PLA2G2A: variants seen among roughly 807,000 people sequenced by gnomAD.
PLA2G2A encodes the protein phospholipase A2, membrane associated.
Under a neutral mutation model 11.2 loss-of-function variants are expected in PLA2G2A, and 6 were observed. That is an observed-to-expected ratio of 0.54 (90% CI 0.29 to 1.06). The LOEUF (loss-of-function observed/expected upper bound fraction) is 1.06. Among genes scored for constraint, PLA2G2A ranks in the 50% least tolerant of loss-of-function variants. PLA2G2A has a pLI of 0.08. For missense variants in PLA2G2A, 133 were observed against 177.1 expected (o/e 0.75, Z 1.41); for synonymous variants, 69 against 65.8 (o/e 1.05, Z -0.23).
chr1:19,976,045 C>T (rs908471699), intron 4 of PLA2G2A, among the ~76,000 whole-genome samples: 1 of 152,194 alleles, frequency 6.6e-6, no homozygotes, highest in Admixed American at 6.5e-5. Flanking sequence ...GGTGGAGACA[C>T]AGCCAGGCAC....
At chr1:19,979,438 A>T in intron 1 of PLA2G2A, 142 bp downstream of exon 1, 1 of 157,772 alleles carries the variant, frequency 6.3e-6, no homozygotes, top group Non-Finnish European at 1.4e-5. Context: ...ACACTCACAT[A>T]CTCACTCAAC....
At chr1:19,979,001 A>ACAC in intron 1 of PLA2G2A, 122 bp from the exon 2 acceptor site, 6 of 525,368 alleles carry the variant, frequency 1.1e-5, no homozygotes, top group Non-Finnish European at 1.8e-5. Flanking sequence ...ACACACACAC[A>ACAC]ACCACCTCCT....
At chr1:19,978,972 T>TGCAC (rs1553167294) in intron 1 of PLA2G2A, 93 bp from the exon 2 acceptor site, 24 of 439,232 alleles carry the variant, frequency 5.5e-5, no homozygotes, top group East Asian at 2.8e-4. Flanking sequence ...CCTCCAGCAA[T>TGCAC]GCACACACAC....
In PLA2G2A at chr1:19,978,948, C is replaced by T. The variant is rs2046264445; in HGVS notation, c.-106-69G>A. Reference sequence around the variant, plus strand: ...GTGACTTCCTCTGTCACACTCAGAGCACACAAGGAGTGCCCTCCAGCAATG... The same window carrying T: ...GTGACTTCCTCTGTCACACTCAGAGTACACAAGGAGTGCCCTCCAGCAATG... On this transcript the variant is annotated intron_variant, in intron 1 of 4. Transcript: ENST00000482011. 137 of 661,432 alleles carry T rather than the reference C, an allele frequency of 2.1e-4. 1 individual carries two copies. In the South Asian group the frequency reaches 2.3e-3, roughly 11 times the overall value. The allele number at this position is 661,432 out of a possible 1,614,324, so 41.0% of individuals were successfully genotyped here. A position where few individuals can be genotyped will look rare whatever the true frequency, so the allele number is the denominator to read the frequency against.
chr1:19,977,703 C>T (rs2100414060), intron 4 of PLA2G2A, among the ~76,000 whole-genome samples: 1 of 152,286 alleles, frequency 6.6e-6, no homozygotes, highest in African/African-American at 2.4e-5. Flanking sequence ...TGCCTTTGAC[C>T]ATGCTGTGTC....
At chr1:19,979,378 T>C (rs969446447) in intron 1 of PLA2G2A, among the ~76,000 whole-genome samples, 1 of 152,112 alleles carries the variant, frequency 6.6e-6, no homozygotes, top group African/African-American at 2.4e-5. Flanking sequence ...TATGCCCACA[T>C]ACACACACTC....
At chr1:19,975,897 T>C in intron 4 of PLA2G2A, 54 bp from the exon 5 acceptor site, 2 of 1,527,004 alleles carry the variant, frequency 1.3e-6, no homozygotes, top group Non-Finnish European at 1.8e-6. Flanking sequence ...ATTCAGTGGC[T>C]TCTTGTGGGA....
intron 3 of PLA2G2A, 75 bp downstream of exon 3, chr1:19,978,305 C>A (rs1367466292): frequency 1.9e-6 from 3 of 1,556,210 alleles, no homozygotes; most frequent in Non-Finnish European, 2.6e-6. Flanking sequence ...CCATCAGGAA[C>A]CGGCACTGTC....
intron 2 of PLA2G2A, 37 bp from the exon 3 acceptor site, chr1:19,978,561 A>T (rs374719882): frequency 6.2e-7 from 1 of 1,612,640 alleles, no homozygotes; most frequent in Non-Finnish European, 8.5e-7. Context: ...GTGATGGGGC[A>T]TGGGGTTCTG....
chr1:19,978,487 G>A, exon 3 of PLA2G2A: 1 of 1,613,840 alleles, frequency 6.2e-7, no homozygotes, highest in Non-Finnish European at 8.5e-7. Context: ...TGATCATTCT[G>A]TGGAAATTCA....
intron 2 of PLA2G2A, 62 bp downstream of exon 2, chr1:19,978,672 G>C: frequency 1.2e-6 from 2 of 1,603,302 alleles, no homozygotes; most frequent in African/African-American, 1.3e-5. Flanking sequence ...AAAACTAAGG[G>C]ACAAGAGTGC....
chr1:19,975,712 G>C (rs1248447081), exon 5 of PLA2G2A: 1 of 1,613,862 alleles, frequency 6.2e-7, no homozygotes, highest in Non-Finnish European at 8.5e-7. Context: ...CAGCAACGAG[G>C]GGTGCTCCCT....
At chr1:19,980,149 G>T (rs542448460), upstream of PLA2G2A, among the ~76,000 whole-genome samples, 6 of 152,312 alleles carry the variant, frequency 3.9e-5, no homozygotes, top group Middle Eastern at 6.8e-3. Flanking sequence ...CAGGCCTCAC[G>T]TGTGCACCCC....
rs144466251 is a variant in PLA2G2A at position 19,978,090 on chromosome 1, G to A, written c.217C>T (p.Arg73Cys). The change falls in exon 4 of 5, where the codon CGT becomes TGT. Residue 73 changes from arginine to cysteine, a missense_variant. Coordinates refer to ENST00000482011, the Ensembl canonical transcript of PLA2G2A. ...GTGCCACATCCACGTTTCTCCAGAC[G>A]TTTGTAGCAACAGTCATGAGTGACA... 70 of 1,613,814 alleles carry A rather than the reference G, an allele frequency of 4.3e-5. No homozygotes were observed. The African/African-American group carries it at 8.1e-4, about 19-fold the overall frequency.
intron 1 of PLA2G2A, 163 bp from the exon 2 acceptor site, chr1:19,979,042 A>C (rs2100419824): frequency 1.8e-6 from 1 of 563,120 alleles, no homozygotes; most frequent in Non-Finnish European, 3.2e-6. Context: ...GAATGGTTTC[A>C]CACACATCAG....
chr1:19,979,016 C>T (rs1571226998), intron 1 of PLA2G2A, 137 bp from the exon 2 acceptor site: 10 of 578,292 alleles, frequency 1.7e-5, no homozygotes, highest in East Asian at 9.8e-5. Context: ...CCTCCTGACC[C>T]GTTCCCAGCT....
downstream of PLA2G2A, chr1:19,975,488 G>T: frequency 1.7e-6 from 1 of 604,076 alleles, no homozygotes; most frequent in South Asian, 1.9e-5. Flanking sequence ...AGCTTCTTTG[G>T]TTAAGCACGG....
At chr1:19,976,212 G>A (rs1468125725) in intron 4 of PLA2G2A, among the ~76,000 whole-genome samples, 2 of 152,240 alleles carry the variant, frequency 1.3e-5, no homozygotes, top group African/African-American at 4.8e-5. Flanking sequence ...GCAGTGATTG[G>A]TCTTTGTGTA....
chr1:19,978,361 G>A lies in PLA2G2A; in HGVS notation c.185+19C>T, dbSNP rs748583368. The stretch of plus-strand genomic sequence containing the variant: ...CTGGGCCAGAGTCTAGGAGGGTAGG[G>A]AGGGATAGGTGGCCTCACCGATCCG... On this transcript the variant is annotated intron_variant, in intron 3 of 4. Transcript: ENST00000482011. 8 of 1,610,268 alleles carry A rather than the reference G, an allele frequency of 5.0e-6. No homozygotes were observed. In the Admixed American group the frequency reaches 1.3e-4, roughly 27 times the overall value.
Sources: gnomAD v4.1 joint callset for allele counts (sites outside exome capture counted in the v4.1 genomes callset) on GRCh38, gnomAD v4.1.1 for gene constraint, MANE v1.5 for transcripts, NCBI Gene and HGNC (gene_info 2026-07-23, HGNC 2026-07-21) for gene names.